The following PAGE1 variants were observed in gnomAD, a reference collection of about 807,000 sequenced individuals.
The protein encoded by PAGE1 is P antigen family member 1.
A neutral mutation model predicts 11.5 loss-of-function variants in PAGE1; 6 were observed. The ratio of observed to expected loss-of-function variants is 0.52; its 90% CI spans 0.29 to 1.03. The LOEUF is 1.03. Ranked by LOEUF, PAGE1 falls within the 50% of genes least tolerant of loss-of-function variation. The probability of loss-of-function intolerance (pLI) is 0.09; values close to 1 mark genes in which losing one functional copy is unlikely to be tolerated. For synonymous variants in PAGE1, 42 were observed against 40.2 expected (o/e 1.05, Z -0.17); for missense variants, 120 against 110.2 (o/e 1.09, Z -0.40).
At chrX:49,694,055 CA>C (rs2066930961) in intron 3 of PAGE1, 43 bp downstream of exon 3, 4 of 770,594 alleles carry the variant, frequency 5.2e-6, no homozygotes, top group East Asian at 3.3e-5. Flanking sequence ...CACACACACA[CA>C]CACACACACC....
chrX:49,690,124 T>C (rs1402547233), intron 4 of PAGE1, among the ~76,000 whole-genome samples: 1 of 84,145 alleles, frequency 1.2e-5, no homozygotes, highest in Non-Finnish European at 2.3e-5. Flanking sequence ...TATATATGTG[T>C]ATATATACAC....
At chrX:49,693,840 C>T (rs782758065) in intron 3 of PAGE1, among the ~76,000 whole-genome samples, 2 of 111,310 alleles carry the variant, frequency 1.8e-5, no homozygotes, top group East Asian at 2.8e-4. Context: ...TGTTCTTGGA[C>T]AAAACACAAT....
intron 3 of PAGE1, among the ~76,000 whole-genome samples, chrX:49,692,247 GTCC>G (rs1557142289): frequency 5.3e-5 from 6 of 112,153 alleles, no homozygotes. Context: ...ATTGTTAAAT[GTCC>G]TGAGTTTGAT....
intron 3 of PAGE1, among the ~76,000 whole-genome samples, chrX:49,691,589 C>A (rs782325486): frequency 1.1e-3 from 123 of 111,731 alleles, no homozygotes; most frequent in African/African-American, 3.9e-3. Flanking sequence ...TTTCTGAAGA[C>A]TGCCCTCAGA....
At chrX:49,690,493 G>A (rs2066916239) in intron 4 of PAGE1, among the ~76,000 whole-genome samples, 2 of 110,304 alleles carry the variant, frequency 1.8e-5, no homozygotes, top group South Asian at 7.8e-4. Context: ...TACATGGCAT[G>A]AGTAGCCACC....
Position 49,695,681 on chromosome X carries a change from C to G in PAGE1, c.-9+188G>C, listed in dbSNP as rs1602805750. ...CCCTGTCCTGGCCCCTTCACGACCA[C>G]AAAGCCGATGGCGGCGTCGCAGCCT... On this transcript the variant is annotated intron_variant, in intron 1 of 5. Transcript: ENST00000376150. Among the ~76,000 whole-genome samples, 4 of 112,423 alleles carry G rather than the reference C, an allele frequency of 3.6e-5. 1 individual carries two copies. Among genetic ancestry groups the G allele is most frequent in the African/African-American group, 1.3e-4 (4 of 31,019 alleles).
At position 49,694,668 on chromosome X, in the gene PAGE1, G is replaced by A. The variant is rs782320636; in HGVS notation, c.63+40C>T. Reference sequence around the variant, plus strand: ...TTAATTTCTGCTAATAGAAAACATCGAATTAACGTTAAAGCACTCAACAGC... The same window carrying A: ...TTAATTTCTGCTAATAGAAAACATCAAATTAACGTTAAAGCACTCAACAGC... On this transcript the variant is annotated intron_variant, in intron 2 of 5. Coordinates refer to ENST00000376150, the MANE Select transcript of PAGE1 (RefSeq NM_003785.4). The A allele has an allele frequency of 3.3e-5, 31 of 941,353 alleles. No homozygotes were observed. In the Middle Eastern group the frequency reaches 1.1e-3, roughly 32 times the overall value. The allele number at this position is 941,353 out of a possible 1,213,427, so 77.6% of individuals were successfully genotyped here. A position where few individuals can be genotyped will look rare whatever the true frequency, so the allele number is the denominator to read the frequency against.
chrX:49,689,575 AATATATATAT>A lies in PAGE1; in HGVS notation c.293-42_293-33del, dbSNP rs782177014. The A allele has an allele frequency of 1.9e-3, 59 of 30,742 alleles. 2 individuals are homozygous for A. The highest frequency in any genetic ancestry group is 0.021 in the Middle Eastern group (1 of 47). The allele number at this position is 30,742 out of a possible 1,213,427, so 2.5% of individuals were successfully genotyped here. A position where few individuals can be genotyped will look rare whatever the true frequency, so the allele number is the denominator to read the frequency against. Reference sequence around the variant, plus strand: ...AAAAAAAAAAAAAAAAAAAAAAAAAAATATATATATATATATATATATATATATATATATA... The same window carrying A: ...AAAAAAAAAAAAAAAAAAAAAAAAAAATATATATATATATATATATATATA... On this transcript the variant is annotated intron_variant, in intron 4 of 5. Transcript: ENST00000376150.
intron 3 of PAGE1, among the ~76,000 whole-genome samples, chrX:49,693,582 C>CT (rs2066928722): frequency 9.0e-6 from 1 of 111,547 alleles, no homozygotes; most frequent in Non-Finnish European, 1.9e-5. Context: ...AATTCTCCAG[C>CT]TTTCAACAAA....
intron 5 of PAGE1, among the ~76,000 whole-genome samples, chrX:49,688,767 C>T (rs1370334437): frequency 8.9e-6 from 1 of 112,021 alleles, no homozygotes; most frequent in Non-Finnish European, 1.9e-5. Flanking sequence ...GTATTAGAAC[C>T]TGCATCCGTG....
chrX:49,693,637 G>C (rs57973322), intron 3 of PAGE1, among the ~76,000 whole-genome samples: 5,604 of 111,230 alleles, frequency 0.05, 259 homozygotes, highest in African/African-American at 0.15. Flanking sequence ...CAGCAATCAG[G>C]AACTCAGTTT....
intron 5 of PAGE1, among the ~76,000 whole-genome samples, chrX:49,688,230 A>C (rs73634222): frequency 0.017 from 1,962 of 112,415 alleles, 53 homozygotes; most frequent in African/African-American, 0.06. Context: ...TCTGTATAAA[A>C]AAAATTTTTT....
At position 49,689,528 on chromosome X, in the gene PAGE1, G is replaced by T; in HGVS notation, c.308C>A (p.Ala103Glu). The T allele has an allele frequency of 1.4e-6, 1 of 739,775 alleles. No individual in the cohort carries two copies. The highest frequency in any genetic ancestry group is 4.5e-5 in the South Asian group (1 of 22,243). 61.0% of individuals were successfully genotyped at this position (739,775 alleles called of 1,213,427 possible). The change falls in exon 5 of 6, where the codon GCG (alanine) becomes GAG (glutamate). Residue 103 changes from alanine to glutamate, a missense_variant. Coordinates refer to ENST00000376150, the MANE Select transcript of PAGE1 (RefSeq NM_003785.4). ...KLPAEGPEPE[A>E]DSQEQVHPKT... ...CGGGTGAACCTGTTCCTGGCTATCC[G>T]CTTCAGGCTCTGGCCCTTAAAAAAA...
In PAGE1 at chrX:49,694,743, G is replaced by T. The variant is rs183723651; in HGVS notation, c.28C>A (p.Arg10=). 3.3e-6 allele frequency: 4 copies of T among 1,195,347 alleles called. No individual in the cohort carries two copies. Among genetic ancestry groups the T allele is most frequent in the Non-Finnish European group, 4.5e-6 (4 of 883,542 alleles). Reference sequence around the variant, plus strand: ...TCTACATAGATCATTGGTCTACGCCGATAGATTAATCTTCTTAGAAAACCC... The same window carrying T: ...TCTACATAGATCATTGGTCTACGCCTATAGATTAATCTTCTTAGAAAACCC... The part of the protein sequence containing the change: MGFLRRLIY[R]RRPMIYVESS... Residue 10 remains arginine (R), a synonymous_variant, in exon 2 of 6, where the codon CGG becomes AGG. Transcript: ENST00000376150.
At chrX:49,689,965 G>A (rs868927615) in intron 4 of PAGE1, among the ~76,000 whole-genome samples, 1 of 58,026 alleles carries the variant, frequency 1.7e-5, no homozygotes. Flanking sequence ...ACATATATAT[G>A]TGTATATATA....
chrX:49,687,520 A>G lies in PAGE1; in HGVS notation c.*21T>C, dbSNP rs1557141142. 1 of 1,201,115 alleles carries G rather than the reference A, an allele frequency of 8.3e-7. No homozygotes were observed. The highest frequency in any genetic ancestry group is 2.2e-5 in the Admixed American group (1 of 45,735). ...AATTTCCAACACAGGAGCAGCCTGAACCATTTCAGCGTGTCTTCTTTTAAG... is the reference window on the plus strand; with the variant it reads ...AATTTCCAACACAGGAGCAGCCTGAGCCATTTCAGCGTGTCTTCTTTTAAG... On this transcript the variant is annotated 3_prime_UTR_variant, in exon 6 of 6. Coordinates refer to ENST00000376150, the MANE Select transcript of PAGE1 (RefSeq NM_003785.4).
At chrX:49,695,322 C>A (rs782125726) in intron 1 of PAGE1, among the ~76,000 whole-genome samples, 1 of 112,182 alleles carries the variant, frequency 8.9e-6, no homozygotes, top group East Asian at 2.8e-4. Context: ...GCCACACAGC[C>A]TCTCCCAGTC....
At chrX:49,689,870 A>ATG (rs781914221) in intron 4 of PAGE1, among the ~76,000 whole-genome samples, 8 of 60,600 alleles carry the variant, frequency 1.3e-4, no homozygotes, top group East Asian at 1.4e-3. Context: ...GTGTGTATAT[A>ATG]TGTGTATATA....
chrX:49,689,508 G>T lies in PAGE1; in HGVS notation c.328C>A (p.His110Asn). ...EPEADSQEQV[H>N]PKTGCERGDG... ...CCGCGCTCACACCCAGTCTTCGGGT[G>T]AACCTGTTCCTGGCTATCCGCTTCA... Residue 110 changes from histidine to asparagine, a missense_variant, in exon 5 of 6, where the codon CAC (histidine) becomes AAC (asparagine). Physicochemically the swap from His to Asn is moderately conservative, Grantham distance 68. Coordinates refer to ENST00000376150, the MANE Select transcript of PAGE1 (RefSeq NM_003785.4). 1 of 794,838 alleles carries T rather than the reference G, an allele frequency of 1.3e-6. No individual in the cohort carries two copies. Among genetic ancestry groups the T allele is most frequent in the Non-Finnish European group, 1.6e-6 (1 of 621,210 alleles). The allele number at this position is 794,838 out of a possible 1,213,427, so 65.5% of individuals were successfully genotyped here. A position where few individuals can be genotyped will look rare whatever the true frequency, so the allele number is the denominator to read the frequency against.
Sources: gnomAD v4.1 joint callset for allele counts (sites outside exome capture counted in the v4.1 genomes callset) on GRCh38, gnomAD v4.1.1 for gene constraint, MANE v1.5 for transcripts, NCBI Gene and HGNC (gene_info 2026-07-23, HGNC 2026-07-21) for gene names.